SYK: variants seen among roughly 807,000 people sequenced by gnomAD.
SYK encodes spleen associated tyrosine kinase.
A neutral mutation model predicts 77.8 loss-of-function variants in SYK; 16 were observed. That is an observed-to-expected ratio of 0.21 (90% CI 0.14 to 0.31). The LOEUF (loss-of-function observed/expected upper bound fraction) is 0.31, where lower values mean the gene tolerates loss of function less well. Among genes scored for constraint, SYK ranks in the 10% least tolerant of loss-of-function variants. The probability of loss-of-function intolerance (pLI) is 1.00; values close to 1 mark genes in which losing one functional copy is unlikely to be tolerated. For synonymous variants in SYK, 312 were observed against 308.7 expected, an observed-to-expected ratio of 1.01 and a Z score of -0.11; for missense variants, 529 against 814.4, an observed-to-expected ratio of 0.65 and a Z score of 4.26.
chr9:90,876,302 A>G (rs1396317325), intron 9 of SYK, among the ~76,000 whole-genome samples: 1 of 114,902 alleles, frequency 8.7e-6, no homozygotes, highest in Non-Finnish European at 1.9e-5. Flanking sequence ...AAAAAAAAAA[A>G]AAAAGAAAGA....
intron 12 of SYK, 60 bp from the exon 13 acceptor site, chr9:90,888,455 G>GT: frequency 7.7e-7 from 1 of 1,297,792 alleles, no homozygotes. Context: ...TGGCTGTTTT[G>GT]TTTTGTTTGA....
chr9:90,839,669 T>A (rs550672341), intron 1 of SYK, among the ~76,000 whole-genome samples: 1 of 152,344 alleles, frequency 6.6e-6, no homozygotes, highest in Admixed American at 6.5e-5. Context: ...TTATTTAAAA[T>A]TTTGTTCCTA....
chr9:90,836,014 C>T (rs576175979), intron 1 of SYK, among the ~76,000 whole-genome samples: 9 of 152,196 alleles, frequency 5.9e-5, no homozygotes, highest in African/African-American at 2.2e-4. Context: ...GTTGGCCGGG[C>T]GCTGTGGCTC....
chr9:90,849,686 G>A (rs1200027474), intron 3 of SYK, among the ~76,000 whole-genome samples: 1 of 152,246 alleles, frequency 6.6e-6, no homozygotes. Flanking sequence ...TGGGTAGGAG[G>A]CAGTGTGGCC....
chr9:90,892,134 A>C (rs1828816839), intron 13 of SYK, among the ~76,000 whole-genome samples: 1 of 152,256 alleles, frequency 6.6e-6, no homozygotes, highest in Non-Finnish European at 1.5e-5. Context: ...AGAAGTGGCC[A>C]AAACAACATG....
intron 13 of SYK, among the ~76,000 whole-genome samples, chr9:90,893,379 C>G (rs550027095): frequency 1.3e-5 from 2 of 152,250 alleles, no homozygotes; most frequent in South Asian, 4.1e-4. Context: ...CTAGTATATT[C>G]TCTGTTTTGT....
intron 11 of SYK, 38 bp downstream of exon 11, chr9:90,878,991 G>T: frequency 6.9e-7 from 1 of 1,442,434 alleles, no homozygotes; most frequent in South Asian, 1.3e-5. Flanking sequence ...GCAGCAGGTG[G>T]TAAAAAATGC....
rs200702866 is a variant in SYK at position 90,877,552 on chromosome 9, G to C, written c.1182-19G>C. ...AGGCATTTTGGAAAGTTTCTTGTGT[G>C]TTATGATTTCTCTTGCAGAGTTGTG... On this transcript the variant is annotated intron_variant, in intron 9 of 13. Coordinates refer to ENST00000375754, the MANE Select transcript of SYK (RefSeq NM_003177.7). 261 of 1,613,616 alleles carry C rather than the reference G, an allele frequency of 1.6e-4. 1 individual carries two copies. Among genetic ancestry groups the C allele is most frequent in the Non-Finnish European group, 2.2e-4 (254 of 1,179,804 alleles).
At chr9:90,848,844 G>A (rs905100993) in intron 3 of SYK, among the ~76,000 whole-genome samples, 4 of 152,236 alleles carry the variant, frequency 2.6e-5, no homozygotes, top group Admixed American at 1.3e-4. Context: ...AGGGCGTAGA[G>A]CACACTGGGG....
chr9:90,841,858 ATGTGTGTTG>A (rs1826367332), intron 1 of SYK, among the ~76,000 whole-genome samples: 7 of 79,050 alleles, frequency 8.9e-5, no homozygotes, highest in South Asian at 5.0e-4. Context: ...GCAGTGTGTT[ATGTGTGTTG>A]TGTGTGTAGT....
intron 1 of SYK, among the ~76,000 whole-genome samples, chr9:90,840,116 C>T (rs1238133574): frequency 5.3e-5 from 8 of 152,110 alleles, no homozygotes; most frequent in South Asian, 2.1e-4. Flanking sequence ...GCACCAAGGG[C>T]GCCTGGAAAA....
At chr9:90,861,060 C>A (rs920153684) in intron 3 of SYK, among the ~76,000 whole-genome samples, 1 of 152,152 alleles carries the variant, frequency 6.6e-6, no homozygotes, top group Non-Finnish European at 1.5e-5. Context: ...ATCTCATGAA[C>A]CAAAGGGCTG....
intron 3 of SYK, among the ~76,000 whole-genome samples, chr9:90,851,900 ATT>A (rs1793792047): frequency 6.6e-6 from 1 of 152,132 alleles, no homozygotes. Context: ...AATAGAATGT[ATT>A]TTTTGGACTA....
chr9:90,805,469 C>T (rs1290082174), intron 1 of SYK, among the ~76,000 whole-genome samples: 2 of 152,158 alleles, frequency 1.3e-5, no homozygotes, highest in South Asian at 2.1e-4. Context: ...GAGGGAGGCT[C>T]TCGACCTGGA....
intron 3 of SYK, among the ~76,000 whole-genome samples, chr9:90,852,740 TC>T (rs1428572818): frequency 6.6e-6 from 1 of 152,190 alleles, no homozygotes; most frequent in East Asian, 1.9e-4. Flanking sequence ...GTTTCTACCT[TC>T]TGACTTTAGA....
At chr9:90,856,591 CTGTTTGTT>C (rs61333133) in intron 3 of SYK, among the ~76,000 whole-genome samples, 16 of 151,204 alleles carry the variant, frequency 1.1e-4, no homozygotes, top group Middle Eastern at 3.4e-3. Flanking sequence ...TCTAGCAGTT[CTGTTTGTT>C]TGTTTGTTTG....
intron 7 of SYK, among the ~76,000 whole-genome samples, chr9:90,869,766 T>C (rs966411): frequency 0.5 from 76,662 of 152,034 alleles, 20,436 homozygotes; most frequent in East Asian, 0.93. Context: ...TTTAAATTTT[T>C]CATAAAATTA....
intron 1 of SYK, among the ~76,000 whole-genome samples, chr9:90,833,161 C>T (rs1406078375): frequency 2.0e-5 from 3 of 152,218 alleles, no homozygotes; most frequent in Non-Finnish European, 1.5e-5. Context: ...AACATTGTCA[C>T]TCTGCAGTCA....
chr9:90,813,883 G>A (rs926353800), intron 1 of SYK, among the ~76,000 whole-genome samples: 2 of 152,114 alleles, frequency 1.3e-5, no homozygotes, highest in African/African-American at 2.4e-5. Context: ...TAGGGGGTGC[G>A]TTGTCCTCCA....
Sources: gnomAD v4.1 joint callset for allele counts (sites outside exome capture counted in the v4.1 genomes callset) on GRCh38, gnomAD v4.1.1 for gene constraint, MANE v1.5 for transcripts, NCBI Gene and HGNC (gene_info 2026-07-23, HGNC 2026-07-21) for gene names.